Variants in TBC1D5 observed in about 807,000 individuals in gnomAD.
TBC1D5 encodes the protein TBC1 domain family, member 5.
In TBC1D5, 75 loss-of-function variants were observed where a neutral mutation model predicts 100.3. That is an observed-to-expected ratio of 0.75 (90% confidence interval 0.62 to 0.91). The LOEUF (loss-of-function observed/expected upper bound fraction) is 0.91, where lower values mean the gene tolerates loss of function less well. Among genes scored for constraint, TBC1D5 ranks in the 40% least tolerant of loss-of-function variants. TBC1D5 has a pLI of 0.00. For synonymous variants in TBC1D5, 323 were observed against 325.6 expected, an observed-to-expected ratio of 0.99 and a Z score of 0.09; for missense variants, 910 against 942.4, an observed-to-expected ratio of 0.97 and a Z score of 0.45.
intron 16 of TBC1D5, among the ~76,000 whole-genome samples, chr3:17,243,864 T>C (rs1380331906): frequency 6.6e-6 from 1 of 152,166 alleles, no homozygotes; most frequent in Admixed American, 6.5e-5. Flanking sequence ...AGATGCTGTA[T>C]AACTTTGGCA....
Position 17,289,054 on chromosome 3 carries a change from C to A in TBC1D5, c.1245+2841G>T, listed in dbSNP as rs116742175. Among the ~76,000 whole-genome samples, 1,071 of 152,328 alleles carry A rather than the reference C, an allele frequency of 7.0e-3. 11 individuals carry two copies. The highest frequency in any genetic ancestry group is 0.024 in the African/African-American group (986 of 41,570). On this transcript the variant is annotated intron_variant, in intron 15 of 21. Transcript: ENST00000253692. Reference sequence around the variant, plus strand: ...CCCTCTGGGGCTTCGGGGTTGTGGGCACCCCTGCCTGGGCACCACTGTGTT... The same window carrying A: ...CCCTCTGGGGCTTCGGGGTTGTGGGAACCCCTGCCTGGGCACCACTGTGTT...
intron 20 of TBC1D5, 86 bp downstream of exon 21, chr3:17,167,663 T>C: frequency 8.2e-7 from 1 of 1,226,364 alleles, no homozygotes; most frequent in Non-Finnish European, 1.2e-6. Context: ...GGATGCTGGC[T>C]CTAACATCAT....
At chr3:17,379,392 T>A (rs1439360650) in intron 9 of TBC1D5, among the ~76,000 whole-genome samples, 1 of 152,080 alleles carries the variant, frequency 6.6e-6, no homozygotes, top group East Asian at 1.9e-4. Context: ...TATGGCTAGT[T>A]TAATAAGAGT....
chr3:17,528,925 C>T (rs925853271), intron 2 of TBC1D5, among the ~76,000 whole-genome samples: 3 of 152,210 alleles, frequency 2.0e-5, no homozygotes, highest in African/African-American at 7.2e-5. Context: ...CTAAGACTTA[C>T]TAGACATTTC....
rs376050993 is a variant in TBC1D5, at chr3:17,367,561, C to T, written c.995+4514G>A. Among the ~76,000 whole-genome samples the T allele has an allele frequency of 1.4e-4, 21 of 152,118 alleles. No individual in the cohort carries two copies. The East Asian group carries it at 2.1e-3, about 15-fold the overall frequency. On this transcript the variant is annotated intron_variant, in intron 13 of 21. Transcript: ENST00000253692. ...TCAATAATTGGCAAACAAAAGACAA[C>T]TCAATATGTTAATTAGGCTGGGCGC... is the stretch of plus-strand genomic sequence containing the variant.
chr3:17,580,924 CTATCTA>C (rs2096690131), intron 2 of TBC1D5, among the ~76,000 whole-genome samples: 1 of 151,972 alleles, frequency 6.6e-6, no homozygotes, highest in African/African-American at 2.4e-5. Flanking sequence ...TAAGTCTTCT[CTATCTA>C]TATTTACTGT....
intron 2 of TBC1D5, among the ~76,000 whole-genome samples, chr3:17,560,838 T>C (rs2096554012): frequency 6.6e-6 from 1 of 151,790 alleles, no homozygotes; most frequent in Non-Finnish European, 1.5e-5. Flanking sequence ...GGAGAATCAC[T>C]TGAACCCAGG....
At chr3:17,475,560 T>A (rs1167950843) in intron 3 of TBC1D5, among the ~76,000 whole-genome samples, 1 of 152,104 alleles carries the variant, frequency 6.6e-6, no homozygotes, top group Non-Finnish European at 1.5e-5. Flanking sequence ...AACAAGTAGT[T>A]TTCTCTACCC....
At chr3:17,713,111 C>T (rs73170855) in intron 1 of TBC1D5, among the ~76,000 whole-genome samples, 3,956 of 152,186 alleles carry the variant, frequency 0.026, 162 homozygotes, top group African/African-American at 0.089. Flanking sequence ...TCTTTACTCG[C>T]GTATTTTTCT....
At chr3:17,513,257 G>A (rs767590914) in intron 2 of TBC1D5, among the ~76,000 whole-genome samples, 16 of 151,902 alleles carry the variant, frequency 1.1e-4, no homozygotes, top group East Asian at 9.6e-4. Flanking sequence ...GTTGGAACCC[G>A]GGAGGCAGAG....
chr3:17,527,647 T>A (rs2096155648), intron 2 of TBC1D5, among the ~76,000 whole-genome samples: 1 of 152,042 alleles, frequency 6.6e-6, no homozygotes, highest in South Asian at 2.1e-4. Flanking sequence ...AAAATTGTAT[T>A]AGACTATGGT....
chr3:17,372,638 A>G lies in TBC1D5; in HGVS notation c.823-391T>C, dbSNP rs1277167400. 3.3e-5 allele frequency among the ~76,000 whole-genome samples: 5 copies of G among 152,188 alleles called. No homozygotes were observed. In the East Asian group the frequency reaches 9.6e-4, roughly 29 times the overall value. On this transcript the variant is annotated intron_variant, in intron 12 of 21. Coordinates refer to ENST00000253692, the Ensembl canonical transcript of TBC1D5. ...TCACAGTTTAGTCACTGAGTTTCTCACCTAGCGTGACTCAGTTATAAAATA... is the reference window on the plus strand; with the variant it reads ...TCACAGTTTAGTCACTGAGTTTCTCGCCTAGCGTGACTCAGTTATAAAATA...
At chr3:17,296,944 T>C (rs1192183497) in intron 14 of TBC1D5, among the ~76,000 whole-genome samples, 2 of 152,232 alleles carry the variant, frequency 1.3e-5, no homozygotes, top group Non-Finnish European at 2.9e-5. Flanking sequence ...TTGTTACTTT[T>C]CCCACTTAAT....
intron 15 of TBC1D5, among the ~76,000 whole-genome samples, chr3:17,259,165 A>G (rs1355557960): frequency 6.6e-6 from 1 of 152,242 alleles, no homozygotes; most frequent in Non-Finnish European, 1.5e-5. Flanking sequence ...GCCAGGTAGT[A>G]GAAATATTAC....
intron 2 of TBC1D5, among the ~76,000 whole-genome samples, chr3:17,617,628 C>T (rs1052091927): frequency 8.5e-5 from 13 of 152,142 alleles, no homozygotes; most frequent in East Asian, 5.8e-4. Flanking sequence ...CTTGTCTTCT[C>T]GCTTTATTTC....
intron 17 of TBC1D5, among the ~76,000 whole-genome samples, chr3:17,224,354 G>A (rs1057062638): frequency 6.6e-6 from 1 of 152,170 alleles, no homozygotes; most frequent in African/African-American, 2.4e-5. Context: ...AGCCACACAT[G>A]CAATTTCTAA....
At chr3:17,284,881 T>C (rs981254808) in intron 15 of TBC1D5, among the ~76,000 whole-genome samples, 1 of 152,142 alleles carries the variant, frequency 6.6e-6, no homozygotes, top group African/African-American at 2.4e-5. Context: ...AATACCTAAA[T>C]ATCAACTATA....
At chr3:17,351,074 A>G (rs778246098) in intron 13 of TBC1D5, among the ~76,000 whole-genome samples, 1 of 152,158 alleles carries the variant, frequency 6.6e-6, no homozygotes, top group Non-Finnish European at 1.5e-5. Flanking sequence ...AAAATATCAC[A>G]CTAAGTTTCA....
chr3:17,624,278 A>G (rs967832836), intron 1 of TBC1D5, among the ~76,000 whole-genome samples: 3 of 152,190 alleles, frequency 2.0e-5, no homozygotes, highest in Admixed American at 2.0e-4. Context: ...ATTTCACTAA[A>G]ACACAAAGAT....
Sources: gnomAD v4.1 joint callset for allele counts (sites outside exome capture counted in the v4.1 genomes callset) on GRCh38, gnomAD v4.1.1 for gene constraint, MANE v1.5 for transcripts, NCBI Gene and HGNC (gene_info 2026-07-23, HGNC 2026-07-21) for gene names.